The following GIPC1 variants were observed in gnomAD, a reference collection of about 807,000 sequenced individuals.
The protein encoded by GIPC1 is PDZ domain-containing protein GIPC1.
A neutral mutation model predicts 28.5 loss-of-function variants in GIPC1; 15 were observed. That is an observed-to-expected ratio of 0.53 (90% CI 0.35 to 0.81). GIPC1 has a LOEUF of 0.81. GIPC1 is among the 30% of genes least tolerant of loss of function. GIPC1 has a pLI of 0.01. For missense variants in GIPC1, 439 were observed against 481.9 expected (o/e 0.91, Z 0.83); for synonymous variants, 224 against 206.1 (o/e 1.09, Z -0.74).
At chr19:14,486,643 T>G (rs12984854) in intron 3 of GIPC1, among the ~76,000 whole-genome samples, 1 of 151,880 alleles carries the variant, frequency 6.6e-6, no homozygotes, top group African/African-American at 2.4e-5. Flanking sequence ...ATTCAGCCAC[T>G]AAGACTTTTG....
At chr19:14,487,014 C>T (rs2071860877) in intron 3 of GIPC1, among the ~76,000 whole-genome samples, 1 of 151,592 alleles carries the variant, frequency 6.6e-6, no homozygotes, top group African/African-American at 2.4e-5. Context: ...TTACTGTATT[C>T]TGTGCACCAT....
At chr19:14,485,951 T>C (rs2071835318) in intron 3 of GIPC1, among the ~76,000 whole-genome samples, 1 of 151,894 alleles carries the variant, frequency 6.6e-6, no homozygotes, top group South Asian at 2.1e-4. Flanking sequence ...TTTGTATTTT[T>C]AGTAGAGACG....
intron 3 of GIPC1, among the ~76,000 whole-genome samples, chr19:14,488,235 G>A (rs960826940): frequency 6.6e-6 from 1 of 152,082 alleles, no homozygotes; most frequent in Non-Finnish European, 1.5e-5. Context: ...CGGATCACAT[G>A]AGGTCAGCAG....
rs772852649 is a variant in GIPC1 at position 14,480,306 on chromosome 19, G to T, written c.654C>A (p.Phe218Leu). The change falls in exon 6 of 9, where the codon TTC (phenylalanine) becomes TTA (leucine). Residue 218 changes from phenylalanine (F) to leucine (L), a missense_variant and splice_region_variant. Physicochemically the swap from Phe to Leu is conservative, Grantham distance 22 (BLOSUM62 0). Transcript: ENST00000393033. ...TLKLTEPRKA[F>L]DMISQRSAGG... ...GAGGTCCAGGGGGCGGCTCCTCACC[G>T]AAGGCCTTGCGAGGCTCCGTGAGCT... 1 of 1,610,134 alleles carries T rather than the reference G, an allele frequency of 6.2e-7. No homozygotes were observed. The highest frequency in any genetic ancestry group is 1.1e-5 in the South Asian group (1 of 90,982).
rs566857269 is a variant in GIPC1, at chr19:14,484,243, C to T, written c.-30-1237G>A. 2.5e-4 allele frequency among the ~76,000 whole-genome samples: 38 copies of T among 150,220 alleles called. 1 individual carries two copies. Among genetic ancestry groups the T allele is most frequent in the Non-Finnish European group, 2.4e-4 (16 of 67,810 alleles). On this transcript the variant is annotated intron_variant, in intron 3 of 8. Transcript: ENST00000393033. ...TCTTGCCTCCCGGGTACAAGCGATT[C>T]TCTTGTCTCAGCCTCCCAAGAAGCT...
chr19:14,480,220 G>A (rs1224278385), intron 6 of GIPC1, 85 bp downstream of exon 6: 2 of 1,207,736 alleles, frequency 1.7e-6, no homozygotes, highest in Non-Finnish European at 2.4e-6. Context: ...CCAGGCTTGG[G>A]CGCCACCTGC....
chr19:14,485,684 A>AATATATATATATATATATATATAT (rs141749727), intron 3 of GIPC1, among the ~76,000 whole-genome samples: 2 of 72,460 alleles, frequency 2.8e-5, no homozygotes, highest in Non-Finnish European at 5.5e-5. Flanking sequence ...TAAATAAACA[A>AATATATATATATATATATATATAT]ATATATATAT....
In GIPC1 at chr19:14,496,058, C is replaced by T. The variant is rs1349058531; in HGVS notation, c.-196G>A. On this transcript the variant is annotated 5_prime_UTR_variant, in exon 1 of 9. Transcript: ENST00000393033. ...TCACCTGCTCCGCCGCCGCCGCCGC[C>T]GCCGCCGCCGCCGCCGCTGCCTCCG... The T allele has an allele frequency of 4.0e-6, 1 of 249,132 alleles. No homozygotes were observed. Among genetic ancestry groups the T allele is most frequent in the Admixed American group, 5.5e-5 (1 of 18,228 alleles). 15.4% of individuals were successfully genotyped at this position (249,132 alleles called of 1,614,324 possible).
intron 1 of GIPC1, among the ~76,000 whole-genome samples, chr19:14,495,552 A>G (rs985492136): frequency 2.6e-5 from 4 of 152,116 alleles, no homozygotes; most frequent in African/African-American, 4.8e-5. Context: ...TTTAGAGTCA[A>G]TTATCCTCAT....
chr19:14,481,961 T>C (rs1568362335), intron 4 of GIPC1: 1 of 152,868 alleles, frequency 6.5e-6, no homozygotes, highest in African/African-American at 2.4e-5. Flanking sequence ...CTCCAAGGCA[T>C]CACGGAGAAG....
Position 14,482,648 on chromosome 19 carries a change from C to T in GIPC1, c.288+41G>A, listed in dbSNP as rs568843783. ...CAGGATGCAGGCCCAGACCTCTGGT[C>T]CACCATCAGGGACCCTGGTGCCCGG... On this transcript the variant is annotated intron_variant, in intron 4 of 8. Transcript: ENST00000393033. 70 of 1,594,396 alleles carry T rather than the reference C, an allele frequency of 4.4e-5. 1 individual carries two copies. The South Asian group carries it at 7.8e-4, about 18-fold the overall frequency.
chr19:14,480,996 G>A lies in GIPC1; in HGVS notation c.289-218C>T, dbSNP rs1308623607. 17 of 528,100 alleles carry A rather than the reference G, an allele frequency of 3.2e-5. No homozygotes were observed. In the South Asian group the frequency reaches 3.7e-4, roughly 12 times the overall value. The allele number at this position is 528,100 out of a possible 1,614,324, so 32.7% of individuals were successfully genotyped here. A position where few individuals can be genotyped will look rare whatever the true frequency, so the allele number is the denominator to read the frequency against. ...GTTTTCCTTTCTCTTTTTGAGACAG[G>A]GTCTTGCTCTGTCACCCAGGCTGGA... On this transcript the variant is annotated intron_variant, in intron 4 of 8. Coordinates refer to ENST00000393033, the MANE Select transcript of GIPC1 (RefSeq NM_005716.4).
At chr19:14,485,952 AG>A (rs2071835363) in intron 3 of GIPC1, among the ~76,000 whole-genome samples, 1 of 151,742 alleles carries the variant, frequency 6.6e-6, no homozygotes, top group East Asian at 1.9e-4. Flanking sequence ...TTGTATTTTT[AG>A]TAGAGACGAG....
intron 3 of GIPC1, among the ~76,000 whole-genome samples, chr19:14,485,779 T>C (rs972065792): frequency 3.4e-5 from 5 of 149,160 alleles, no homozygotes; most frequent in Non-Finnish European, 7.4e-5. Flanking sequence ...GTTCTTTTTT[T>C]TCTTTTTTTG....
In GIPC1 at chr19:14,478,125, CG is replaced by C; in HGVS notation, c.*290del. On this transcript the variant is annotated 3_prime_UTR_variant, in exon 9 of 9. Coordinates refer to ENST00000393033, the MANE Select transcript of GIPC1 (RefSeq NM_005716.4). The surrounding 1 kb of genome is among the most constrained non-coding windows in gnomAD (Gnocchi z 5.2). The stretch of plus-strand genomic sequence containing the variant: ...AGCTGATGGTGGAAAGTGGTGGAGG[CG>C]GGGGTGGCCGCCCAATTTGGCTGAT... 1 of 380,388 alleles carries C rather than the reference CG, an allele frequency of 2.6e-6. No homozygotes were observed. The highest frequency in any genetic ancestry group is 4.0e-5 in the Admixed American group (1 of 24,922). The allele number at this position is 380,388 out of a possible 1,614,324, so 23.6% of individuals were successfully genotyped here.
In GIPC1 at chr19:14,482,466, T is replaced by A. The variant is rs2071748926; in HGVS notation, c.288+223A>T. The A allele has an allele frequency of 2.0e-5, 12 of 598,700 alleles. No homozygotes were observed. The South Asian group carries it at 2.4e-4, about 12-fold the overall frequency. 37.1% of individuals were successfully genotyped at this position (598,700 alleles called of 1,614,324 possible). A position where few individuals can be genotyped will look rare whatever the true frequency, so the allele number is the denominator to read the frequency against. On this transcript the variant is annotated intron_variant, in intron 4 of 8. Transcript: ENST00000393033. ...CCCAGTGCCTGATGGGAACTCAGCA[T>A]CCAGCCCTGGCCTCCAGTTCCCCAC...
At chr19:14,483,092 A>G in intron 3 of GIPC1, 86 bp from the exon 4 acceptor site, 1 of 869,032 alleles carries the variant, frequency 1.2e-6, no homozygotes. Flanking sequence ...GGCCCAAGGA[A>G]ATACTCAGAG....
Position 14,480,675 on chromosome 19 carries a change from C to G in GIPC1, c.392G>C (p.Arg131Pro), listed in dbSNP as rs151133470. Residue 131 changes from arginine to proline, a missense_variant, in exon 5 of 9, where the codon CGC (arginine) becomes CCC (proline). Arg to Pro is a moderately radical substitution (Grantham distance 103). Coordinates refer to ENST00000393033, the MANE Select transcript of GIPC1 (RefSeq NM_005716.4). The part of the protein sequence containing the change: ...DFIFAHVKGQ[R>P]KEVEVFKSED... ...CGACTTGAACACCTCCACCTCCTTG[C>G]GCTGCCCCTTCACGTGGGCGAAGAT... is the stretch of plus-strand genomic sequence containing the variant. 1.2e-5 allele frequency: 19 copies of G among 1,614,154 alleles called. No homozygotes were observed. The Middle Eastern group carries it at 4.9e-4, about 42-fold the overall frequency.
chr19:14,493,036 G>A (rs1056907781), intron 1 of GIPC1, 124 bp from the exon 2 acceptor site: 1 of 152,426 alleles, frequency 6.6e-6, no homozygotes, highest in African/African-American at 2.4e-5. Flanking sequence ...CATTACTATG[G>A]GTGTCTCCTC....
Sources: gnomAD v4.1 joint callset for allele counts (sites outside exome capture counted in the v4.1 genomes callset) on GRCh38, gnomAD v4.1.1 for gene constraint, Gnocchi (gnomAD v3.1) non-coding constraint, MANE v1.5 for transcripts, NCBI Gene and HGNC (gene_info 2026-07-23, HGNC 2026-07-21) for gene names.